The following NELL1 variants were observed in gnomAD, a reference collection of about 807,000 sequenced individuals.
NELL1 encodes the protein neural EGFL like 1, also known as protein kinase C-binding protein NELL1.
Under a neutral mutation model 107.4 loss-of-function variants are expected in NELL1, and 76 were observed. The ratio of observed to expected loss-of-function variants is 0.71; its 90% confidence interval spans 0.59 to 0.86. The LOEUF (loss-of-function observed/expected upper bound fraction) is 0.86, where lower values mean the gene tolerates loss of function less well. Among genes scored for constraint, NELL1 ranks in the 40% least tolerant of loss-of-function variants. The pLI is 0.00. For missense variants in NELL1, 1,024 were observed against 1,005.5 expected, an observed-to-expected ratio of 1.02 and a Z score of -0.25; for synonymous variants, 353 against 341.2, an observed-to-expected ratio of 1.03 and a Z score of -0.38.
intron 5 of NELL1, among the ~76,000 whole-genome samples, chr11:20,909,952 G>A (rs1850087854): frequency 6.6e-6 from 1 of 152,112 alleles, no homozygotes; most frequent in Middle Eastern, 3.2e-3. Context: ...AGCTATTGCT[G>A]CACAACAAAC....
At chr11:21,489,215 CA>C (rs1372131471) in intron 15 of NELL1, among the ~76,000 whole-genome samples, 1 of 150,986 alleles carries the variant, frequency 6.6e-6, no homozygotes, top group African/African-American at 2.4e-5. Flanking sequence ...TACAACCTAC[CA>C]AGACTGAATG....
chr11:20,952,167 A>C (rs1851082163), intron 11 of NELL1, among the ~76,000 whole-genome samples: 1 of 152,086 alleles, frequency 6.6e-6, no homozygotes, highest in South Asian at 2.1e-4. Context: ...TCAGGGTTTT[A>C]TTCCCCTGGT....
At chr11:21,218,688 A>G (rs1050080885) in intron 13 of NELL1, among the ~76,000 whole-genome samples, 3 of 152,188 alleles carry the variant, frequency 2.0e-5, no homozygotes, top group Admixed American at 2.0e-4. Flanking sequence ...TCTACACTAT[A>G]CTTTTGTGAA....
intron 3 of NELL1, among the ~76,000 whole-genome samples, chr11:20,835,248 A>G (rs1446895991): frequency 6.6e-6 from 1 of 152,176 alleles, no homozygotes; most frequent in African/African-American, 2.4e-5. Flanking sequence ...ATTGTTGTCT[A>G]TCTTTCCGTA....
intron 16 of NELL1, among the ~76,000 whole-genome samples, chr11:21,554,037 A>G (rs1476280025): frequency 1.3e-5 from 2 of 151,864 alleles, no homozygotes; most frequent in East Asian, 3.9e-4. Context: ...TGGGTTGTTG[A>G]CATCAATACT....
At chr11:20,890,884 C>G (rs928652330) in intron 5 of NELL1, among the ~76,000 whole-genome samples, 13 of 152,074 alleles carry the variant, frequency 8.5e-5, no homozygotes, top group Admixed American at 3.3e-4. Context: ...CTACCATTGA[C>G]TGGAGTACCA....
At chr11:20,848,548 C>T (rs1456354409) in intron 4 of NELL1, among the ~76,000 whole-genome samples, 20 of 152,102 alleles carry the variant, frequency 1.3e-4, no homozygotes, top group Non-Finnish European at 2.9e-5. Context: ...AGTCCAATTA[C>T]AGAGTTTTTT....
chr11:20,861,690 T>G (rs1474795360), intron 4 of NELL1, among the ~76,000 whole-genome samples: 1 of 152,136 alleles, frequency 6.6e-6, no homozygotes, highest in Non-Finnish European at 1.5e-5. Context: ...AAATCTTATT[T>G]TGTGTGGCTG....
At chr11:20,869,493 T>C (rs1849157222) in intron 4 of NELL1, among the ~76,000 whole-genome samples, 1 of 152,170 alleles carries the variant, frequency 6.6e-6, no homozygotes, top group African/African-American at 2.4e-5. Flanking sequence ...AGTTCATCCA[T>C]TTGATCAACA....
chr11:21,261,900 T>C (rs1848541416), intron 14 of NELL1, among the ~76,000 whole-genome samples: 1 of 151,894 alleles, frequency 6.6e-6, no homozygotes. Flanking sequence ...TTCGTTCAGA[T>C]CTTTAAATAG....
chr11:20,706,398 C>G (rs1410134049), intron 2 of NELL1, among the ~76,000 whole-genome samples: 2 of 151,916 alleles, frequency 1.3e-5, no homozygotes, highest in Non-Finnish European at 2.9e-5. Context: ...AACCATCATT[C>G]TCAGCAAACT....
In NELL1 at chr11:21,379,399, C is replaced by T. The variant is rs1041683360; in HGVS notation, c.1645+8451C>T. The stretch of plus-strand genomic sequence containing the variant: ...TACTGTAACTATTATTAAATAAACT[C>T]TCATAAGCTTTGAACCTCTCACAGT... On this transcript the variant is annotated intron_variant, in intron 15 of 19. Transcript: ENST00000357134. 2.6e-5 allele frequency among the ~76,000 whole-genome samples: 4 copies of T among 152,042 alleles called. No homozygotes were observed. The South Asian group carries it at 6.2e-4, about 24-fold the overall frequency.
rs151146505 is a variant in NELL1, at chr11:21,280,256, A to C, written c.1549+50802A>C. On this transcript the variant is annotated intron_variant, in intron 14 of 19. Transcript: ENST00000357134. ...AGTGTTGGTTCATTGGTTATAAAAA[A>C]TGGAGAATGGCAGAGCAAGACGGCC... is the stretch of plus-strand genomic sequence containing the variant. 3.8e-4 allele frequency among the ~76,000 whole-genome samples: 58 copies of C among 152,320 alleles called. 2 individuals carry two copies. In the East Asian group the frequency reaches 8.3e-3, roughly 22 times the overall value.
At chr11:21,016,707 A>G (rs1044369594) in intron 12 of NELL1, among the ~76,000 whole-genome samples, 1 of 151,770 alleles carries the variant, frequency 6.6e-6, no homozygotes, top group Non-Finnish European at 1.5e-5. Context: ...CCCCTTTCCC[A>G]CCTGTATATT....
At chr11:20,987,122 A>G (rs1851869980) in intron 12 of NELL1, among the ~76,000 whole-genome samples, 1 of 152,216 alleles carries the variant, frequency 6.6e-6, no homozygotes, top group African/African-American at 2.4e-5. Flanking sequence ...CATAAGGCTG[A>G]AACATTGCCT....
At chr11:20,769,192 A>G (rs966046477) in intron 2 of NELL1, 1 of 152,614 alleles carries the variant, frequency 6.6e-6, no homozygotes, top group African/African-American at 2.4e-5. Context: ...TGGGGGTCAC[A>G]GTGGAAATGG....
At chr11:21,552,173 A>G (rs1856607134) in intron 16 of NELL1, among the ~76,000 whole-genome samples, 1 of 148,688 alleles carries the variant, frequency 6.7e-6, no homozygotes, top group East Asian at 2.0e-4. Flanking sequence ...GCATTAGGAG[A>G]TATACCTAAT....
At chr11:20,845,951 T>C (rs1029520111) in intron 3 of NELL1, among the ~76,000 whole-genome samples, 2 of 152,212 alleles carry the variant, frequency 1.3e-5, no homozygotes, top group Admixed American at 1.3e-4. Flanking sequence ...GTCTGTAACA[T>C]CTTCTTGACC....
intron 15 of NELL1, among the ~76,000 whole-genome samples, chr11:21,379,355 G>C (rs1468129590): frequency 6.6e-6 from 1 of 151,978 alleles, no homozygotes; most frequent in Non-Finnish European, 1.5e-5. Flanking sequence ...CTCCACATTT[G>C]TTCAGAAATA....
Sources: allele counts gnomAD v4.1 joint callset (sites outside exome capture counted in the v4.1 genomes callset), GRCh38; gene constraint gnomAD v4.1.1; transcripts MANE v1.5; gene names NCBI Gene and HGNC (gene_info 2026-07-23, HGNC 2026-07-21).